Variants in CORO2A observed in about 807,000 individuals in gnomAD.
CORO2A encodes the protein coronin-2A.
CORO2A carries 47 observed loss-of-function variants against 62.4 expected under a neutral mutation model. The observed-to-expected ratio is 0.75, with a 90% CI of 0.60 to 0.96. CORO2A has a LOEUF of 0.96. CORO2A is among the 40% of genes least tolerant of loss of function. CORO2A has a pLI of 0.00. For missense variants in CORO2A, 610 were observed against 684.1 expected (o/e 0.89, Z 1.21); for synonymous variants, 273 against 268.9 (o/e 1.02, Z -0.15).
At chr9:98,180,319 C>T (rs975116578) in intron 1 of CORO2A, among the ~76,000 whole-genome samples, 82 of 152,232 alleles carry the variant, frequency 5.4e-4, no homozygotes, top group African/African-American at 2.0e-3. Flanking sequence ...CTCTGTATGA[C>T]CGGCTGCTAC....
rs1451383959 is a variant in CORO2A at position 98,126,742 on chromosome 9, G to T, written c.1253C>A (p.Ser418Tyr). 1 of 1,614,210 alleles carries T rather than the reference G, an allele frequency of 6.2e-7. No individual in the cohort carries two copies. Among genetic ancestry groups the T allele is most frequent in the Non-Finnish European group, 8.5e-7 (1 of 1,180,046 alleles). The change falls in exon 11 of 12, where the codon TCC becomes TAC. Residue 418 changes from serine to tyrosine, a missense_variant. By Grantham distance (144) the Ser-to-Tyr change is moderately radical. Transcript: ENST00000375077. ...GAGCCGGGGTGAGGCTGGGGCCATG[G>T]AATTGAAGATAGGTCTCTCTGCAGG... ...PLPAERPIFNSMAPASPRLLN... is the reference protein window; with the variant it reads ...PLPAERPIFNYMAPASPRLLN...
chr9:98,176,906 C>A (rs1009659552), intron 1 of CORO2A, among the ~76,000 whole-genome samples: 1 of 152,146 alleles, frequency 6.6e-6, no homozygotes. Flanking sequence ...CAAAAGAGTA[C>A]GCTAAAACAC....
At chr9:98,132,102 G>T in intron 6 of CORO2A, 83 bp downstream of exon 6, 1 of 1,001,982 alleles carries the variant, frequency 1.0e-6, no homozygotes, top group Non-Finnish European at 1.6e-6. Context: ...TCATAAATGG[G>T]TGTCTAAATG....
chr9:98,124,839 C>T lies in CORO2A; in HGVS notation c.1513G>A (p.Glu505Lys). Residue 505 changes from glutamate to lysine, a missense_variant, in exon 12 of 12, where the codon GAG becomes AAG. Physicochemically the swap from Glu to Lys is moderately conservative, Grantham distance 56. Transcript: ENST00000375077. ...RRLRELLTQREVQAKQLELEI... is the reference protein window; with the variant it reads ...RRLRELLTQRKVQAKQLELEI... ...AGTTCCAACTGTTTGGCCTGGACCTCTCGCTGGGTCAACAGCTCCCGGAGC... is the reference window on the plus strand; with the variant it reads ...AGTTCCAACTGTTTGGCCTGGACCTTTCGCTGGGTCAACAGCTCCCGGAGC... 1 of 1,605,154 alleles carries T rather than the reference C, an allele frequency of 6.2e-7. No individual in the cohort carries two copies. Among genetic ancestry groups the T allele is most frequent in the Non-Finnish European group, 8.5e-7 (1 of 1,175,028 alleles).
Position 98,124,994 on chromosome 9 carries a change from G to A in CORO2A, c.1447-89C>T, listed in dbSNP as rs1587988474. 6 of 1,468,482 alleles carry A rather than the reference G, an allele frequency of 4.1e-6. No individual in the cohort carries two copies. In the East Asian group the frequency reaches 7.5e-5, roughly 18 times the overall value. The allele number at this position is 1,468,482 out of a possible 1,614,324, so 91.0% of individuals were successfully genotyped here. ...CACTATCCCTCTTTGACTCAGAAAG[G>A]TGGAGGCGGTCACATTAACATGGCT... On this transcript the variant is annotated intron_variant, in intron 11 of 11. Coordinates refer to ENST00000375077, the MANE Select transcript of CORO2A (RefSeq NM_052820.4).
intron 2 of CORO2A, among the ~76,000 whole-genome samples, chr9:98,155,702 T>C (rs1483431646): frequency 6.6e-6 from 1 of 152,204 alleles, no homozygotes; most frequent in Non-Finnish European, 1.5e-5. Context: ...TATTCAGGCT[T>C]TCTATTTCTA....
chr9:98,146,015 T>C (rs1486545900), intron 2 of CORO2A, among the ~76,000 whole-genome samples: 3 of 152,184 alleles, frequency 2.0e-5, no homozygotes, highest in Non-Finnish European at 4.4e-5. Flanking sequence ...TGGCTAAGGC[T>C]GGCCTTTAAG....
chr9:98,126,616 T>C lies in CORO2A; in HGVS notation c.1379A>G (p.Glu460Gly). 1 of 1,614,138 alleles carries C rather than the reference T, an allele frequency of 6.2e-7. No individual in the cohort carries two copies. The highest frequency in any genetic ancestry group is 8.5e-7 in the Non-Finnish European group (1 of 1,180,026). Residue 460 changes from glutamate (E) to glycine (G), a missense_variant, in exon 11 of 12, where the codon GAG becomes GGG. By Grantham distance (98) the Glu-to-Gly change is moderately conservative. Transcript: ENST00000375077. The part of the protein sequence containing the change: ...PRWAAEHRLE[E>G]KKTWLTNGFD... Reference sequence around the variant, plus strand: ...GCCATTTGTCAGCCAGGTTTTCTTCTCCTCCAGCCTGTGTTCTGCTGCCCA... The same window carrying C: ...GCCATTTGTCAGCCAGGTTTTCTTCCCCTCCAGCCTGTGTTCTGCTGCCCA...
chr9:98,131,715 GAA>G (rs1827411775), intron 6 of CORO2A, among the ~76,000 whole-genome samples: 1 of 152,080 alleles, frequency 6.6e-6, no homozygotes, highest in African/African-American at 2.4e-5. Context: ...GACTCAGAGA[GAA>G]AATGTGATTT....
intron 2 of CORO2A, among the ~76,000 whole-genome samples, chr9:98,140,126 C>T (rs943986944): frequency 2.6e-5 from 4 of 152,154 alleles, no homozygotes; most frequent in Non-Finnish European, 5.9e-5. Context: ...CTCCCACATC[C>T]ACCATCTAGT....
Position 98,133,036 on chromosome 9 carries a change from A to G in CORO2A, c.648+2T>C. The stretch of plus-strand genomic sequence containing the variant: ...TGAGCCAGCCCCTGGCCCAGAACTG[A>G]CCTGGAGGACGGTCCCTGCTCGGGG... On this transcript the variant is annotated splice_donor_variant, in intron 5 of 11. Coordinates refer to ENST00000375077, the MANE Select transcript of CORO2A (RefSeq NM_052820.4). LOFTEE classifies it high-confidence loss of function. The G allele has an allele frequency of 6.2e-7, 1 of 1,613,978 alleles. No individual in the cohort carries two copies.
intron 1 of CORO2A, among the ~76,000 whole-genome samples, chr9:98,180,943 G>T (rs1271929421): frequency 6.6e-6 from 1 of 152,210 alleles, no homozygotes; most frequent in Non-Finnish European, 1.5e-5. Context: ...ATTTCCATGG[G>T]CATGTTGTGG....
At chr9:98,182,112 T>C (rs1488716694) in intron 1 of CORO2A, among the ~76,000 whole-genome samples, 1 of 152,216 alleles carries the variant, frequency 6.6e-6, no homozygotes, top group Non-Finnish European at 1.5e-5. Flanking sequence ...ACTCTACGAT[T>C]ACTGTCCATC....
At position 98,128,068 on chromosome 9, in the gene CORO2A, AGAG is replaced by A. The variant is rs1827352000; in HGVS notation, c.1171+99_1171+101del. The A allele has an allele frequency of 6.7e-6, 6 of 900,720 alleles. No individual in the cohort carries two copies. In the African/African-American group the frequency reaches 9.9e-5, roughly 15 times the overall value. The allele number at this position is 900,720 out of a possible 1,614,324, so 55.8% of individuals were successfully genotyped here. The stretch of plus-strand genomic sequence containing the variant: ...CAAGGGCATGGCTTCTGAGGTCATG[AGAG>A]AAGAAAAATCCAGGCCCAACCCCTC... On this transcript the variant is annotated intron_variant, in intron 10 of 11. Transcript: ENST00000375077.
chr9:98,169,137 C>T (rs1827999563), intron 1 of CORO2A, among the ~76,000 whole-genome samples: 1 of 152,162 alleles, frequency 6.6e-6, no homozygotes, highest in Non-Finnish European at 1.5e-5. Flanking sequence ...GAGGCAGAAG[C>T]CGTCTGCAGC....
At chr9:98,161,469 A>G (rs12551475) in intron 1 of CORO2A, among the ~76,000 whole-genome samples, 37,002 of 151,964 alleles carry the variant, frequency 0.24, 4,818 homozygotes, top group Non-Finnish European at 0.29. Flanking sequence ...CAGGAGAATC[A>G]CTTGAACCGG....
chr9:98,129,724 C>A, intron 8 of CORO2A, 70 bp downstream of exon 8: 1 of 1,221,872 alleles, frequency 8.2e-7, no homozygotes, highest in Non-Finnish European at 1.2e-6. Context: ...AAGCCCTGAC[C>A]CTGATTCTCC....
chr9:98,164,594 G>T (rs897614459), intron 1 of CORO2A, among the ~76,000 whole-genome samples: 1 of 148,062 alleles, frequency 6.8e-6, no homozygotes, highest in African/African-American at 2.4e-5. Flanking sequence ...CCTCTGTAAG[G>T]GTTTTATCAC....
In CORO2A at chr9:98,150,485, A is replaced by G. The variant is rs557897658; in HGVS notation, c.201+6975T>C. On this transcript the variant is annotated intron_variant, in intron 2 of 11. Coordinates refer to ENST00000375077, the MANE Select transcript of CORO2A (RefSeq NM_052820.4). Reference sequence around the variant, plus strand: ...AGCATACTCTCCCTTTAGAGCCTCAAGTGGCTCTCGGCTCAAAGATCACCT... The same window carrying G: ...AGCATACTCTCCCTTTAGAGCCTCAGGTGGCTCTCGGCTCAAAGATCACCT... Among the ~76,000 whole-genome samples, 139 of 152,286 alleles carry G rather than the reference A, an allele frequency of 9.1e-4. 1 individual carries two copies. The highest frequency in any genetic ancestry group is 1.3e-3 in the Non-Finnish European group (91 of 68,018).
Sources: gnomAD v4.1 joint callset for allele counts (sites outside exome capture counted in the v4.1 genomes callset) on GRCh38, gnomAD v4.1.1 for gene constraint, MANE v1.5 for transcripts, NCBI Gene and HGNC (gene_info 2026-07-23, HGNC 2026-07-21) for gene names.